Variants in NSMCE2 observed in about 807,000 individuals in gnomAD.
NSMCE2 encodes E3 SUMO-protein ligase NSE2.
In NSMCE2, 24 loss-of-function variants were observed where a neutral mutation model predicts 23.8. The ratio of observed to expected loss-of-function variants is 1.01; its 90% CI spans 0.73 to 1.42. The LOEUF is 1.42. Among genes scored for constraint, NSMCE2 ranks in the 40% most tolerant of loss-of-function variants. The probability of loss-of-function intolerance (pLI) is 0.00; values close to 1 mark genes in which losing one functional copy is unlikely to be tolerated. For missense variants in NSMCE2, 284 were observed against 296.5 expected (o/e 0.96, Z 0.31); for synonymous variants, 92 against 94.1 (o/e 0.98, Z 0.13).
intron 5 of NSMCE2, among the ~76,000 whole-genome samples, chr8:125,283,837 A>G (rs970743853): frequency 1.1e-4 from 17 of 152,114 alleles, no homozygotes; most frequent in Admixed American, 7.2e-4. Context: ...CACAGCAAGC[A>G]TTGGACTATT....
rs777184627 is a variant in NSMCE2, at chr8:125,366,879, C to T, written c.738C>T (p.Ser246=). Residue 246 remains serine, a synonymous_variant, in exon 8 of 8, where the codon TCC becomes TCT. Coordinates refer to ENST00000287437, the MANE Select transcript of NSMCE2 (RefSeq NM_173685.4). ...ENHNKKRHRH[S]E is the part of the protein sequence containing the mutation. ...ATAACAAGAAAAGACATCGTCATTC[C>T]GAGTAGGAAAAGCCACCTGCCTGCA... is the stretch of plus-strand genomic sequence containing the variant. 10 of 1,595,842 alleles carry T rather than the reference C, an allele frequency of 6.3e-6. No homozygotes were observed. The highest frequency in any genetic ancestry group is 2.2e-5 in the South Asian group (2 of 90,678).
At chr8:125,186,639 G>A (rs1823121489) in intron 5 of NSMCE2, among the ~76,000 whole-genome samples, 1 of 152,318 alleles carries the variant, frequency 6.6e-6, no homozygotes, top group East Asian at 1.9e-4. Context: ...TATACAATGT[G>A]GGACCTAAGT....
intron 5 of NSMCE2, among the ~76,000 whole-genome samples, chr8:125,313,586 G>C (rs17403341): frequency 0.1 from 15,393 of 152,142 alleles, 848 homozygotes; most frequent in Non-Finnish European, 0.13. Context: ...CTCTTTTGTT[G>C]TCACCTTCCA....
At chr8:125,321,575 GTTA>G (rs1338298373) in intron 5 of NSMCE2, among the ~76,000 whole-genome samples, 1 of 152,136 alleles carries the variant, frequency 6.6e-6, no homozygotes, top group Non-Finnish European at 1.5e-5. Context: ...ACCAGGCAAA[GTTA>G]TTATAAGAAA....
intron 5 of NSMCE2, among the ~76,000 whole-genome samples, chr8:125,213,647 CTT>C (rs1824449266): frequency 6.8e-6 from 1 of 146,302 alleles, no homozygotes; most frequent in Admixed American, 7.0e-5. Context: ...TTATTTCTCT[CTT>C]TCTCTGTTTC....
intron 5 of NSMCE2, among the ~76,000 whole-genome samples, chr8:125,205,484 C>T (rs946245341): frequency 7.9e-5 from 12 of 152,172 alleles, no homozygotes; most frequent in Admixed American, 6.5e-5. Context: ...GTATCTGCTG[C>T]TTTTGGTGAT....
intron 3 of NSMCE2, among the ~76,000 whole-genome samples, chr8:125,133,070 GCTT>G (rs1563670043): frequency 6.6e-6 from 1 of 152,014 alleles, no homozygotes; most frequent in Non-Finnish European, 1.5e-5. Flanking sequence ...CTTTCATTCT[GCTT>G]CTATCTTCAG....
At chr8:125,196,671 T>C (rs970632707) in intron 5 of NSMCE2, among the ~76,000 whole-genome samples, 3 of 152,242 alleles carry the variant, frequency 2.0e-5, no homozygotes, top group Admixed American at 2.0e-4. Flanking sequence ...TATGTGTGCA[T>C]GTGTCTTTAC....
intron 5 of NSMCE2, among the ~76,000 whole-genome samples, chr8:125,296,235 A>G (rs1828319988): frequency 6.6e-6 from 1 of 152,012 alleles, no homozygotes; most frequent in Non-Finnish European, 1.5e-5. Flanking sequence ...TGCACCCTTA[A>G]CTCCCAACAC....
At chr8:125,157,460 T>C (rs899047040) in intron 4 of NSMCE2, among the ~76,000 whole-genome samples, 37 of 152,230 alleles carry the variant, frequency 2.4e-4, no homozygotes, top group African/African-American at 8.7e-4. Flanking sequence ...AGGTATTCAC[T>C]CTTCAGACAC....
chr8:125,241,124 G>C (rs1825749949), intron 5 of NSMCE2, among the ~76,000 whole-genome samples: 1 of 152,198 alleles, frequency 6.6e-6, no homozygotes, highest in Admixed American at 6.5e-5. Context: ...ATGCTCCAAT[G>C]AGCATTTCCT....
At chr8:125,179,165 G>A (rs1822652793) in intron 4 of NSMCE2, among the ~76,000 whole-genome samples, 1 of 152,098 alleles carries the variant, frequency 6.6e-6, no homozygotes, top group South Asian at 2.1e-4. Flanking sequence ...TCTAAGTCCT[G>A]TATCTGGGTA....
At chr8:125,204,247 G>C (rs1824009662) in intron 5 of NSMCE2, among the ~76,000 whole-genome samples, 1 of 152,178 alleles carries the variant, frequency 6.6e-6, no homozygotes, top group South Asian at 2.1e-4. Context: ...AGGTTACCTT[G>C]GCAGACCTGG....
At chr8:125,098,808 T>C (rs10106942) in intron 1 of NSMCE2, among the ~76,000 whole-genome samples, 74,419 of 148,924 alleles carry the variant, frequency 0.5, 22,345 homozygotes, top group African/African-American at 0.86. Context: ...AGGGGTAGGG[T>C]GGGAGAGAAG....
At chr8:125,170,660 G>A (rs1381829230) in intron 4 of NSMCE2, among the ~76,000 whole-genome samples, 2 of 151,858 alleles carry the variant, frequency 1.3e-5, no homozygotes, top group East Asian at 3.9e-4. Context: ...CACCCGGCTT[G>A]GCCTCCCAAA....
At chr8:125,285,879 A>C (rs573398559) in intron 5 of NSMCE2, among the ~76,000 whole-genome samples, 1 of 152,158 alleles carries the variant, frequency 6.6e-6, no homozygotes, top group African/African-American at 2.4e-5. Flanking sequence ...GGTGAGGTTG[A>C]GTTGTCCAAG....
At chr8:125,236,834 T>C (rs1186228927) in intron 5 of NSMCE2, among the ~76,000 whole-genome samples, 1 of 151,828 alleles carries the variant, frequency 6.6e-6, no homozygotes, top group African/African-American at 2.4e-5. Context: ...TTTTTTCTGA[T>C]CTTGCTCCTT....
chr8:125,313,036 C>T (rs150130208), intron 5 of NSMCE2, among the ~76,000 whole-genome samples: 2 of 150,728 alleles, frequency 1.3e-5, no homozygotes, highest in African/African-American at 4.9e-5. Flanking sequence ...AGCAAACCAC[C>T]ATGGCACATG....
chr8:125,138,514 C>T (rs1213936827), intron 3 of NSMCE2, among the ~76,000 whole-genome samples: 2 of 152,166 alleles, frequency 1.3e-5, no homozygotes, highest in Non-Finnish European at 2.9e-5. Flanking sequence ...ATGTGAGCCA[C>T]TGTGCCTGGC....
Sources: gnomAD v4.1 joint callset for allele counts (sites outside exome capture counted in the v4.1 genomes callset) on GRCh38, gnomAD v4.1.1 for gene constraint, MANE v1.5 for transcripts, NCBI Gene and HGNC (gene_info 2026-07-23, HGNC 2026-07-21) for gene names.